The following RBFOX1 variants were observed in gnomAD, a reference collection of about 807,000 sequenced individuals.
RBFOX1 encodes the protein RNA binding protein fox-1 homolog 1.
RBFOX1 carries 8 observed loss-of-function variants against 57.7 expected under a neutral mutation model. That is an observed-to-expected ratio of 0.14 (90% CI 0.08 to 0.25). The LOEUF (loss-of-function observed/expected upper bound fraction) is 0.25. Ranked by LOEUF, RBFOX1 falls within the 10% of genes least tolerant of loss-of-function variation. The pLI is 1.00. For missense variants in RBFOX1, 611 were observed against 548.5 expected (o/e 1.11, Z -1.14); for synonymous variants, 326 against 222.4 (o/e 1.47, Z -4.15).
chr16:6,882,793 T>C (rs1221294782), intron 3 of RBFOX1, among the ~76,000 whole-genome samples: 2 of 152,038 alleles, frequency 1.3e-5, no homozygotes, highest in Admixed American at 6.6e-5. Context: ...CAAGTGGCAT[T>C]CCTGGGGGGT....
chr16:5,576,506 C>T (rs1042092666), intron 2 of RBFOX1, among the ~76,000 whole-genome samples: 17 of 152,266 alleles, frequency 1.1e-4, no homozygotes, highest in African/African-American at 3.1e-4. Context: ...ATTGCAATTG[C>T]TTAACTGGAA....
intron 3 of RBFOX1, among the ~76,000 whole-genome samples, chr16:6,749,972 T>C (rs2074597685): frequency 6.6e-6 from 1 of 152,176 alleles, no homozygotes; most frequent in Admixed American, 6.6e-5. Flanking sequence ...AATGAAAAGA[T>C]GGTGCTCTCA....
intron 1 of RBFOX1, among the ~76,000 whole-genome samples, chr16:5,441,653 C>T (rs371325645): frequency 1.3e-5 from 2 of 152,134 alleles, no homozygotes; most frequent in Admixed American, 6.5e-5. Context: ...GTGTGAGCCA[C>T]TGTTCCTGGC....
chr16:6,108,162 G>T (rs991663664), intron 1 of RBFOX1, among the ~76,000 whole-genome samples: 3 of 152,050 alleles, frequency 2.0e-5, no homozygotes, highest in Admixed American at 2.0e-4. Flanking sequence ...TTTAATATTG[G>T]TGATACCTAA....
chr16:7,662,320 G>A (rs1408118179), intron 12 of RBFOX1, among the ~76,000 whole-genome samples: 1 of 152,044 alleles, frequency 6.6e-6, no homozygotes, highest in Non-Finnish European at 1.5e-5. Context: ...ATTCAGGTTC[G>A]AGTCTGTTAA....
At chr16:6,876,204 A>G (rs1470676777) in intron 3 of RBFOX1, among the ~76,000 whole-genome samples, 1 of 152,036 alleles carries the variant, frequency 6.6e-6, no homozygotes, top group African/African-American at 2.4e-5. Flanking sequence ...AAAGCAAAGC[A>G]AAACAAAAAG....
intron 3 of RBFOX1, among the ~76,000 whole-genome samples, chr16:5,835,451 G>A (rs539711580): frequency 4.6e-5 from 7 of 152,348 alleles, no homozygotes; most frequent in African/African-American, 1.7e-4. Flanking sequence ...GGGGTTTTGA[G>A]TATATCAGTC....
At chr16:7,630,467 T>G in intron 10 of RBFOX1, 136 bp from the exon 11 acceptor site, 1 of 1,513,870 alleles carries the variant, frequency 6.6e-7, no homozygotes, top group Non-Finnish European at 8.8e-7. Flanking sequence ...GGGGGCTTTG[T>G]TGGGTACCCT....
chr16:7,082,602 A>G (rs1363945243), intron 4 of RBFOX1, among the ~76,000 whole-genome samples: 1 of 152,100 alleles, frequency 6.6e-6, no homozygotes. Context: ...AGGTTTCAGC[A>G]CTGATTCAGT....
At chr16:6,934,334 C>T (rs558725298) in intron 3 of RBFOX1, among the ~76,000 whole-genome samples, 2 of 152,190 alleles carry the variant, frequency 1.3e-5, no homozygotes, top group East Asian at 3.9e-4. Flanking sequence ...TTTATCAATA[C>T]AGAATACGTA....
chr16:5,590,133 T>G (rs2046960301), intron 2 of RBFOX1, among the ~76,000 whole-genome samples: 1 of 152,178 alleles, frequency 6.6e-6, no homozygotes, highest in South Asian at 2.1e-4. Context: ...ATTTCTTTAT[T>G]TTATGACTTA....
intron 3 of RBFOX1, among the ~76,000 whole-genome samples, chr16:5,668,090 G>C (rs533193986): frequency 1.2e-3 from 190 of 152,218 alleles, no homozygotes; most frequent in African/African-American, 4.4e-3. Flanking sequence ...GGACCAACCT[G>C]ATCAATATCG....
intron 2 of RBFOX1, among the ~76,000 whole-genome samples, chr16:6,478,160 A>G (rs1396772912): frequency 1.3e-5 from 2 of 149,322 alleles, no homozygotes; most frequent in Non-Finnish European, 3.0e-5. Context: ...TCCTTTAATA[A>G]CTTTTTCATC....
chr16:6,793,829 G>A (rs1199189915), intron 3 of RBFOX1, among the ~76,000 whole-genome samples: 1 of 152,044 alleles, frequency 6.6e-6, no homozygotes, highest in Non-Finnish European at 1.5e-5. Flanking sequence ...AGTAGAAGGT[G>A]ATGTATTAAA....
At chr16:7,617,467 G>C (rs943703099) in intron 10 of RBFOX1, among the ~76,000 whole-genome samples, 1 of 152,096 alleles carries the variant, frequency 6.6e-6, no homozygotes, top group African/African-American at 2.4e-5. Context: ...GGCTTGAAGA[G>C]CTCAGCGGTA....
intron 2 of RBFOX1, among the ~76,000 whole-genome samples, chr16:6,407,226 T>G (rs1398897092): frequency 2.0e-5 from 3 of 152,180 alleles, no homozygotes; most frequent in African/African-American, 7.2e-5. Context: ...CCTACATCCT[T>G]ATCTGTATCT....
At chr16:6,831,672 C>T (rs1263849556) in intron 3 of RBFOX1, among the ~76,000 whole-genome samples, 1 of 152,156 alleles carries the variant, frequency 6.6e-6, no homozygotes, top group East Asian at 1.9e-4. Context: ...AAGATGATAA[C>T]TTGCAACCAG....
intron 4 of RBFOX1, among the ~76,000 whole-genome samples, chr16:7,062,245 G>A (rs2153748214): frequency 7.2e-6 from 1 of 138,542 alleles, no homozygotes; most frequent in African/African-American, 2.7e-5. Flanking sequence ...CGTGAACCGA[G>A]ATCATGAGGT....
intron 4 of RBFOX1, among the ~76,000 whole-genome samples, chr16:7,357,154 G>T (rs2097231039): frequency 6.6e-6 from 1 of 151,750 alleles, no homozygotes; most frequent in Non-Finnish European, 1.5e-5. Context: ...GGGCTAGCAT[G>T]TAGGAACACA....
Sources: gnomAD v4.1 joint callset for allele counts (sites outside exome capture counted in the v4.1 genomes callset) on GRCh38, gnomAD v4.1.1 for gene constraint, MANE v1.5 for transcripts, NCBI Gene and HGNC (gene_info 2026-07-23, HGNC 2026-07-21) for gene names.